GALNT13: variants seen among roughly 807,000 people sequenced by gnomAD.
GALNT13 encodes polypeptide N-acetylgalactosaminyltransferase 13, also known as UDP-GalNAc:polypeptide N-acetylgalactosaminyltransferase 13.
A neutral mutation model predicts 64.2 loss-of-function variants in GALNT13; 28 were observed. That is an observed-to-expected ratio of 0.44 (90% confidence interval 0.32 to 0.60). The LOEUF (loss-of-function observed/expected upper bound fraction) is 0.60, where lower values mean the gene tolerates loss of function less well. GALNT13 is among the 20% of genes least tolerant of loss of function. The pLI is 0.05. For missense variants in GALNT13, 577 were observed against 669.8 expected (o/e 0.86, Z 1.53); for synonymous variants, 214 against 224.6 (o/e 0.95, Z 0.42).
chr2:153,899,474 G>T (rs944203729), intron 1 of GALNT13, among the ~76,000 whole-genome samples: 4 of 151,952 alleles, frequency 2.6e-5, no homozygotes, highest in South Asian at 2.1e-4. Flanking sequence ...AAAGTTTCTT[G>T]GGCATTTCTT....
chr2:154,190,576 A>G (rs1035814188), intron 4 of GALNT13, among the ~76,000 whole-genome samples: 1 of 152,210 alleles, frequency 6.6e-6, no homozygotes, highest in African/African-American at 2.4e-5. Context: ...AGAGGAGGCA[A>G]AGTCCAACTC....
chr2:154,176,712 A>G (rs1423329047), intron 4 of GALNT13, among the ~76,000 whole-genome samples: 2 of 152,206 alleles, frequency 1.3e-5, no homozygotes, highest in Non-Finnish European at 1.5e-5. Context: ...TAAGATGTTC[A>G]TTTAGTTTGT....
chr2:153,650,847 A>G, the GALNT13 span, among the ~76,000 whole-genome samples: 181 of 152,258 alleles, frequency 1.2e-3, no homozygotes, highest in Non-Finnish European at 2.1e-3. Context: ...TGCACATTTC[A>G]TCCAAGTTTC....
At chr2:153,469,545 A>T in the GALNT13 span, among the ~76,000 whole-genome samples, 4 of 152,102 alleles carry the variant, frequency 2.6e-5, no homozygotes, top group Non-Finnish European at 5.9e-5. Context: ...ATGAACAATG[A>T]CGGTTCAATT....
chr2:154,283,184 G>A (rs1423197117), intron 8 of GALNT13, among the ~76,000 whole-genome samples: 1 of 152,062 alleles, frequency 6.6e-6, no homozygotes. Context: ...TTGAATATAT[G>A]GAAAGTGGAG....
At chr2:154,336,749 T>C (rs1446466353) in intron 9 of GALNT13, among the ~76,000 whole-genome samples, 4 of 152,006 alleles carry the variant, frequency 2.6e-5, no homozygotes, top group Middle Eastern at 6.3e-3. Flanking sequence ...ATTGTGGTTG[T>C]TTAAAGTTTT....
At chr2:153,839,315 A>G in the GALNT13 span, among the ~76,000 whole-genome samples, 1 of 152,038 alleles carries the variant, frequency 6.6e-6, no homozygotes. Context: ...AATGCTGAGA[A>G]TGGACATCCA....
At chr2:154,038,907 A>G (rs1306726400) in intron 3 of GALNT13, among the ~76,000 whole-genome samples, 1 of 152,124 alleles carries the variant, frequency 6.6e-6, no homozygotes, top group Admixed American at 6.6e-5. Context: ...AAACAACTCA[A>G]TATTTCCCAA....
chr2:153,364,789 T>C, the GALNT13 span, among the ~76,000 whole-genome samples: 1 of 152,090 alleles, frequency 6.6e-6, no homozygotes, highest in Non-Finnish European at 1.5e-5. Context: ...AGAATCAATA[T>C]CCTGAAAATG....
chr2:153,931,982 T>A (rs1303840), intron 2 of GALNT13, among the ~76,000 whole-genome samples: 14,166 of 152,188 alleles, frequency 0.093, 1,673 homozygotes, highest in East Asian at 0.62. Flanking sequence ...TTAATCCCTC[T>A]CATCCAGGGC....
chr2:154,430,411 G>A (rs1288131955), intron 11 of GALNT13, among the ~76,000 whole-genome samples: 3 of 152,082 alleles, frequency 2.0e-5, no homozygotes, highest in Non-Finnish European at 2.9e-5. Flanking sequence ...GAAATAGCAG[G>A]AGAACTAGAA....
chr2:153,369,743 A>G, the GALNT13 span, among the ~76,000 whole-genome samples: 2 of 152,148 alleles, frequency 1.3e-5, no homozygotes, highest in African/African-American at 4.8e-5. Context: ...CCCTAGGGAA[A>G]TTCAGATATC....
the GALNT13 span, among the ~76,000 whole-genome samples, chr2:153,096,544 C>T: frequency 6.6e-6 from 1 of 152,152 alleles, no homozygotes; most frequent in South Asian, 2.1e-4. Flanking sequence ...TATCTGGCTT[C>T]TCCAGTGTTG....
chr2:153,626,638 T>G, the GALNT13 span, among the ~76,000 whole-genome samples: 1 of 152,136 alleles, frequency 6.6e-6, no homozygotes, highest in Non-Finnish European at 1.5e-5. Context: ...AAATACTGTA[T>G]AGTTTAGCAT....
chr2:153,590,966 A>G, the GALNT13 span, among the ~76,000 whole-genome samples: 1 of 138,466 alleles, frequency 7.2e-6, no homozygotes, highest in Non-Finnish European at 1.6e-5. Flanking sequence ...AGTCTTAGCC[A>G]GAGAAATCAG....
chr2:153,953,327 A>G (rs1037641870), intron 3 of GALNT13, among the ~76,000 whole-genome samples: 3 of 152,196 alleles, frequency 2.0e-5, no homozygotes, highest in Non-Finnish European at 2.9e-5. Flanking sequence ...GTCAATAGTA[A>G]TAACACAATA....
chr2:153,469,485 T>A, the GALNT13 span, among the ~76,000 whole-genome samples: 1 of 152,012 alleles, frequency 6.6e-6, no homozygotes, highest in African/African-American at 2.4e-5. Context: ...GGAAGGTAAT[T>A]TTCCTCATCA....
the GALNT13 span, among the ~76,000 whole-genome samples, chr2:153,304,906 G>C: frequency 6.6e-6 from 1 of 152,154 alleles, no homozygotes; most frequent in African/African-American, 2.4e-5. Flanking sequence ...GCACATTAGA[G>C]GGATTGTGGA....
At chr2:153,071,831 A>AT in the GALNT13 span, among the ~76,000 whole-genome samples, 1 of 152,116 alleles carries the variant, frequency 6.6e-6, no homozygotes, top group Non-Finnish European at 1.5e-5. Context: ...TGGTTTTTAT[A>AT]TTTTTTATGG....
Sources: gnomAD v4.1 joint callset for allele counts (sites outside exome capture counted in the v4.1 genomes callset) on GRCh38, gnomAD v4.1.1 for gene constraint, MANE v1.5 for transcripts, NCBI Gene and HGNC (gene_info 2026-07-23, HGNC 2026-07-21) for gene names.